The following MAP2K4 variants were observed in gnomAD, a reference collection of about 807,000 sequenced individuals.
MAP2K4 encodes the protein mitogen-activated protein kinase kinase 4.
Under a neutral mutation model 48.5 loss-of-function variants are expected in MAP2K4, and 4 were observed. The observed-to-expected ratio is 0.08, with a 90% CI of 0.04 to 0.19. The LOEUF (loss-of-function observed/expected upper bound fraction) is 0.19. Among genes scored for constraint, MAP2K4 ranks in the 10% least tolerant of loss-of-function variants. The pLI is 1.00. For missense variants in MAP2K4, 258 were observed against 493.3 expected (o/e 0.52, Z 4.52); for synonymous variants, 166 against 173.1 (o/e 0.96, Z 0.32).
intron 10 of MAP2K4, among the ~76,000 whole-genome samples, chr17:12,140,193 A>G (rs1038549606): frequency 1.7e-4 from 15 of 90,010 alleles, no homozygotes; most frequent in Non-Finnish European, 1.7e-4. Context: ...GGATGCAGCC[A>G]TAAGAAAAAA....
chr17:12,142,783 A>C lies in MAP2K4; in HGVS notation c.*1523A>C, dbSNP rs1775860641. The C allele has an allele frequency of 4.3e-6, 1 of 232,796 alleles. No individual in the cohort carries two copies. Among genetic ancestry groups the C allele is most frequent in the Admixed American group, 5.6e-5 (1 of 17,770 alleles). 14.4% of individuals were successfully genotyped at this position (232,796 alleles called of 1,614,324 possible). On this transcript the variant is annotated 3_prime_UTR_variant, in exon 11 of 11. Transcript: ENST00000353533. The stretch of plus-strand genomic sequence containing the variant: ...CTTACCCATTAGCCAGGTTCTCATT[A>C]GGTTTTGCTTGGGCCTCCCTGGCAC...
At chr17:12,046,870 GT>G (rs1378634099) in intron 1 of MAP2K4, among the ~76,000 whole-genome samples, 1 of 151,998 alleles carries the variant, frequency 6.6e-6, no homozygotes, top group East Asian at 1.9e-4. Flanking sequence ...TTGGAAGCGA[GT>G]TTTGGGCTTT....
intron 3 of MAP2K4, among the ~76,000 whole-genome samples, chr17:12,094,370 A>G (rs987281282): frequency 2.6e-5 from 4 of 152,228 alleles, no homozygotes; most frequent in African/African-American, 9.6e-5. Flanking sequence ...CATGAAATAC[A>G]TCTTCTATAT....
chr17:12,042,167 C>CAAAAA (rs71142262), intron 1 of MAP2K4, among the ~76,000 whole-genome samples: 55 of 55,072 alleles, frequency 1.0e-3, no homozygotes, highest in Non-Finnish European at 1.2e-3. Flanking sequence ...AACTTTGTCT[C>CAAAAA]AAAAAAAAAA....
chr17:12,124,986 CT>C, intron 7 of MAP2K4: 1 of 335,564 alleles, frequency 3.0e-6, no homozygotes. Flanking sequence ...CCTTGTAATT[CT>C]TTATGTTTTC....
At chr17:12,116,902 G>T (rs1972518101) in intron 7 of MAP2K4, among the ~76,000 whole-genome samples, 1 of 152,180 alleles carries the variant, frequency 6.6e-6, no homozygotes, top group South Asian at 2.1e-4. Context: ...ATGACTGGCA[G>T]TGCAATAGGT....
intron 4 of MAP2K4, 89 bp downstream of exon 4, chr17:12,095,783 T>C (rs1006827419): frequency 3.0e-5 from 41 of 1,378,122 alleles, no homozygotes; most frequent in Admixed American, 7.8e-5. Context: ...TTAAATGCCA[T>C]ACATTAGTAA....
At chr17:12,131,597 A>T (rs1973026465) in intron 9 of MAP2K4, among the ~76,000 whole-genome samples, 1 of 152,042 alleles carries the variant, frequency 6.6e-6, no homozygotes, top group East Asian at 1.9e-4. Context: ...TTTCTGCCAA[A>T]CTGAATTTCT....
chr17:12,048,258 C>T (rs192202856), intron 1 of MAP2K4, among the ~76,000 whole-genome samples: 1 of 152,284 alleles, frequency 6.6e-6, no homozygotes, highest in Non-Finnish European at 1.5e-5. Flanking sequence ...ATCTCCACTG[C>T]CTGGCATATA....
At chr17:12,116,968 G>A (rs1972520351) in intron 7 of MAP2K4, among the ~76,000 whole-genome samples, 1 of 152,038 alleles carries the variant, frequency 6.6e-6, no homozygotes, top group African/African-American at 2.4e-5. Flanking sequence ...ACGTTATGAG[G>A]GCTATGGTGT....
chr17:12,127,118 T>G (rs1054687067), intron 8 of MAP2K4, among the ~76,000 whole-genome samples: 21 of 152,226 alleles, frequency 1.4e-4, no homozygotes, highest in African/African-American at 4.8e-4. Context: ...TGAATCATAT[T>G]GCTAGGCCTA....
chr17:12,127,593 T>G (rs1437236952), intron 8 of MAP2K4, among the ~76,000 whole-genome samples: 1 of 152,220 alleles, frequency 6.6e-6, no homozygotes, highest in African/African-American at 2.4e-5. Flanking sequence ...ATAGGGACAG[T>G]CTTATAAAAA....
At chr17:12,032,360 G>T in intron 1 of MAP2K4, 1 of 809,048 alleles carries the variant, frequency 1.2e-6, no homozygotes, top group South Asian at 3.6e-5. Context: ...TTGGTATTGG[G>T]AATGTGTCCA....
chr17:12,041,043 C>T (rs1255493957), intron 1 of MAP2K4, among the ~76,000 whole-genome samples: 2 of 152,232 alleles, frequency 1.3e-5, no homozygotes, highest in African/African-American at 4.8e-5. Flanking sequence ...GTACTGTATA[C>T]ACATGAAGTA....
intron 7 of MAP2K4, among the ~76,000 whole-genome samples, chr17:12,114,207 C>A (rs886903861): frequency 6.6e-6 from 1 of 151,978 alleles, no homozygotes; most frequent in African/African-American, 2.4e-5. Flanking sequence ...GTTTTCAAAC[C>A]TAGTGCTATA....
chr17:12,028,861 C>T (rs1395155966), intron 1 of MAP2K4, among the ~76,000 whole-genome samples: 1 of 152,118 alleles, frequency 6.6e-6, no homozygotes, highest in East Asian at 1.9e-4. Context: ...TACAAAACCT[C>T]ATAATGGCCA....
At chr17:12,064,463 T>C (rs1399599094) in intron 2 of MAP2K4, among the ~76,000 whole-genome samples, 1 of 152,144 alleles carries the variant, frequency 6.6e-6, no homozygotes, top group Non-Finnish European at 1.5e-5. Flanking sequence ...GATAAGTATA[T>C]GAGAAACAGC....
chr17:12,128,826 A>C (rs1036610094), intron 8 of MAP2K4, among the ~76,000 whole-genome samples: 2 of 152,216 alleles, frequency 1.3e-5, no homozygotes, highest in East Asian at 3.8e-4. Context: ...AGACTTTCTT[A>C]TAAAGAAGTC....
At chr17:12,087,173 T>G (rs1187289688) in intron 3 of MAP2K4, among the ~76,000 whole-genome samples, 1 of 152,138 alleles carries the variant, frequency 6.6e-6, no homozygotes, top group Non-Finnish European at 1.5e-5. Context: ...CATACCTCAC[T>G]CTGCGTGGGT....
Sources: allele counts gnomAD v4.1 joint callset (sites outside exome capture counted in the v4.1 genomes callset), GRCh38; gene constraint gnomAD v4.1.1; transcripts MANE v1.5; gene names NCBI Gene and HGNC (gene_info 2026-07-23, HGNC 2026-07-21).